MAGI2: variants seen among roughly 807,000 people sequenced by gnomAD.
MAGI2 encodes membrane-associated guanylate kinase, WW and PDZ domain-containing protein 2.
Under a neutral mutation model 133.3 loss-of-function variants are expected in MAGI2, and 35 were observed. That is an observed-to-expected ratio of 0.26 (90% CI 0.20 to 0.35). MAGI2 has a LOEUF of 0.35. Ranked by LOEUF, MAGI2 falls within the 10% of genes least tolerant of loss-of-function variation. MAGI2 has a pLI of 1.00. For synonymous variants in MAGI2, 729 were observed against 710.6 expected, an observed-to-expected ratio of 1.03 and a Z score of -0.41; for missense variants, 1,636 against 1,863.4, an observed-to-expected ratio of 0.88 and a Z score of 2.25.
At chr7:78,480,404 T>C (rs997797375) in intron 6 of MAGI2, among the ~76,000 whole-genome samples, 1 of 151,816 alleles carries the variant, frequency 6.6e-6, no homozygotes, top group African/African-American at 2.4e-5. Flanking sequence ...GACCAGTATT[T>C]CTCAATAGAC....
At chr7:78,916,991 G>T (rs1285629943) in intron 2 of MAGI2, among the ~76,000 whole-genome samples, 11 of 152,088 alleles carry the variant, frequency 7.2e-5, no homozygotes, top group Admixed American at 6.6e-4. Context: ...CCTGGCTCAA[G>T]ATTTGGTGAG....
chr7:78,270,874 G>T (rs1247448289), intron 9 of MAGI2, among the ~76,000 whole-genome samples: 3 of 152,138 alleles, frequency 2.0e-5, no homozygotes. Context: ...TTCTAAAATT[G>T]ACCACATAAT....
At chr7:79,280,543 G>T (rs942729749) in intron 1 of MAGI2, among the ~76,000 whole-genome samples, 1 of 152,108 alleles carries the variant, frequency 6.6e-6, no homozygotes. Flanking sequence ...AAGATTACTT[G>T]TTGGGAAATT....
intron 3 of MAGI2, among the ~76,000 whole-genome samples, chr7:78,603,324 T>C (rs1805413763): frequency 6.6e-6 from 1 of 152,170 alleles, no homozygotes; most frequent in African/African-American, 2.4e-5. Context: ...AGGTTCCTCT[T>C]AAGTTAACAT....
chr7:78,425,104 C>T (rs1042485551), intron 6 of MAGI2, among the ~76,000 whole-genome samples: 10 of 152,080 alleles, frequency 6.6e-5, no homozygotes, highest in African/African-American at 2.4e-4. Flanking sequence ...TCCCACAATT[C>T]CTACATGTCT....
chr7:78,516,669 T>G (rs1796071196), intron 4 of MAGI2, among the ~76,000 whole-genome samples: 1 of 152,138 alleles, frequency 6.6e-6, no homozygotes, highest in South Asian at 2.1e-4. Flanking sequence ...TAGTTTTGGT[T>G]CAGGAATTTT....
intron 1 of MAGI2, among the ~76,000 whole-genome samples, chr7:79,256,933 C>T (rs543372978): frequency 1.8e-3 from 268 of 152,180 alleles, no homozygotes; most frequent in African/African-American, 6.1e-3. Flanking sequence ...TCCAAGGATA[C>T]AAATTTCAGT....
chr7:78,704,778 CTTTTTT>C (rs762077849), intron 2 of MAGI2, among the ~76,000 whole-genome samples: 1 of 47,346 alleles, frequency 2.1e-5, no homozygotes, highest in Non-Finnish European at 4.9e-5. Context: ...GGCCATTATT[CTTTTTT>C]TTTTTTTTTT....
intron 2 of MAGI2, among the ~76,000 whole-genome samples, chr7:78,876,014 T>C (rs966868241): frequency 6.6e-6 from 1 of 152,020 alleles, no homozygotes; most frequent in Non-Finnish European, 1.5e-5. Context: ...TATTACAAAA[T>C]AAATGAAGCT....
chr7:79,291,486 G>T (rs1836481646), intron 1 of MAGI2, among the ~76,000 whole-genome samples: 1 of 152,120 alleles, frequency 6.6e-6, no homozygotes. Context: ...TTGAGGAAAT[G>T]CTAAACTGTT....
chr7:78,253,634 T>C (rs1029950976), intron 10 of MAGI2: 1 of 152,224 alleles, frequency 6.6e-6, no homozygotes, highest in African/African-American at 2.4e-5. Context: ...TTTCTGTGAC[T>C]ATACATACAA....
chr7:78,069,306 T>C (rs1814195507), intron 21 of MAGI2, among the ~76,000 whole-genome samples: 1 of 152,180 alleles, frequency 6.6e-6, no homozygotes, highest in South Asian at 2.1e-4. Flanking sequence ...ATCCCCAGGA[T>C]ATATTCCCTG....
At chr7:78,743,015 C>T (rs1215280985) in intron 2 of MAGI2, among the ~76,000 whole-genome samples, 2 of 152,202 alleles carry the variant, frequency 1.3e-5, no homozygotes, top group African/African-American at 2.4e-5. Flanking sequence ...TAGCTCCAGT[C>T]AGTGGGACCA....
intron 21 of MAGI2, among the ~76,000 whole-genome samples, chr7:78,048,312 G>A (rs1811644116): frequency 6.6e-6 from 1 of 152,150 alleles, no homozygotes; most frequent in Non-Finnish European, 1.5e-5. Flanking sequence ...ACGCTCCAGT[G>A]GAGAAAACAG....
At chr7:79,033,857 T>C (rs1810854965) in intron 1 of MAGI2, among the ~76,000 whole-genome samples, 1 of 152,126 alleles carries the variant, frequency 6.6e-6, no homozygotes, top group Non-Finnish European at 1.5e-5. Flanking sequence ...GTAAAAAACA[T>C]CTGTAACAAC....
intron 1 of MAGI2, among the ~76,000 whole-genome samples, chr7:79,260,810 C>T (rs775259875): frequency 1.3e-5 from 2 of 152,154 alleles, no homozygotes; most frequent in Non-Finnish European, 2.9e-5. Context: ...CAAGATATCT[C>T]ATTATGTATT....
At chr7:78,680,629 C>T (rs758650160) in intron 2 of MAGI2, among the ~76,000 whole-genome samples, 48 of 152,288 alleles carry the variant, frequency 3.2e-4, no homozygotes, top group Non-Finnish European at 4.1e-4. Context: ...AGGAGTAATT[C>T]TGTTTTTAAT....
intron 21 of MAGI2, among the ~76,000 whole-genome samples, chr7:78,059,098 T>G (rs1289024741): frequency 6.6e-6 from 1 of 152,214 alleles, no homozygotes; most frequent in Non-Finnish European, 1.5e-5. Context: ...GTTATCTTAA[T>G]AGCTTATCTG....
chr7:78,808,665 A>C (rs1448375734), intron 2 of MAGI2, among the ~76,000 whole-genome samples: 2 of 152,232 alleles, frequency 1.3e-5, no homozygotes, highest in Non-Finnish European at 2.9e-5. Flanking sequence ...GCACAGCACA[A>C]GGGATACACT....
Sources: gnomAD v4.1 joint callset for allele counts (sites outside exome capture counted in the v4.1 genomes callset) on GRCh38, gnomAD v4.1.1 for gene constraint, MANE v1.5 for transcripts, NCBI Gene and HGNC (gene_info 2026-07-23, HGNC 2026-07-21) for gene names.